The following PCBP3 variants were observed in gnomAD, a reference collection of about 807,000 sequenced individuals.
The protein encoded by PCBP3 is poly(rC)-binding protein 3.
PCBP3 carries 25 observed loss-of-function variants against 52.7 expected under a neutral mutation model. The observed-to-expected ratio is 0.47, with a 90% CI of 0.35 to 0.66. The LOEUF is 0.66. Ranked by LOEUF, PCBP3 falls within the 30% of genes least tolerant of loss-of-function variation. The pLI, the probability that PCBP3 is intolerant of heterozygous loss-of-function variation, is 0.01. For synonymous variants in PCBP3, 162 were observed against 183.0 expected (o/e 0.89, Z 0.93); for missense variants, 391 against 490.3 (o/e 0.80, Z 1.91).
At chr21:45,755,495 A>T (rs2087945133) in intron 4 of PCBP3, among the ~76,000 whole-genome samples, 43 bp downstream of exon 4, 1 of 152,212 alleles carries the variant, frequency 6.6e-6, no homozygotes, top group African/African-American at 2.4e-5. Context: ...CAAGGAACGC[A>T]TTGTCCCAAG....
At chr21:45,769,386 A>G (rs1475785207) in intron 4 of PCBP3, among the ~76,000 whole-genome samples, 3 of 152,180 alleles carry the variant, frequency 2.0e-5, no homozygotes, top group African/African-American at 7.2e-5. Flanking sequence ...TCACCATTAG[A>G]AGACGCGGGT....
intron 13 of PCBP3, among the ~76,000 whole-genome samples, chr21:45,927,893 C>T (rs2075687950): frequency 6.6e-6 from 1 of 152,192 alleles, no homozygotes; most frequent in Non-Finnish European, 1.5e-5. Context: ...GCGCCCCTCC[C>T]CGTGCCCCAT....
At chr21:45,825,240 G>C (rs971529813) in intron 4 of PCBP3, among the ~76,000 whole-genome samples, 1 of 152,230 alleles carries the variant, frequency 6.6e-6, no homozygotes, top group Non-Finnish European at 1.5e-5. Flanking sequence ...AGCAAGGCTA[G>C]GTCACCACAG....
chr21:45,890,999 G>A (rs929518312), intron 5 of PCBP3, among the ~76,000 whole-genome samples: 6 of 150,630 alleles, frequency 4.0e-5, no homozygotes, highest in African/African-American at 7.3e-5. Context: ...GGAGATAATA[G>A]AACCTGGAAC....
intron 2 of PCBP3, among the ~76,000 whole-genome samples, chr21:45,726,231 C>T (rs4819145): frequency 0.68 from 103,691 of 151,500 alleles, 36,848 homozygotes; most frequent in African/African-American, 0.88. Flanking sequence ...CTTCAGGTAA[C>T]AGATGTCCAA....
At chr21:45,810,249 A>T (rs891107164) in intron 4 of PCBP3, among the ~76,000 whole-genome samples, 56 of 70,864 alleles carry the variant, frequency 7.9e-4, no homozygotes, top group African/African-American at 2.0e-3. Flanking sequence ...TGTGTGTGAG[A>T]GAGTGTGTGT....
intron 1 of PCBP3, among the ~76,000 whole-genome samples, chr21:45,644,735 T>C (rs1244764220): frequency 1.3e-5 from 2 of 152,152 alleles, no homozygotes; most frequent in African/African-American, 4.8e-5. Context: ...TAGAGTGGGA[T>C]TCGCCAGAAG....
At chr21:45,815,262 G>A (rs1603442002) in intron 4 of PCBP3, among the ~76,000 whole-genome samples, 1 of 75,502 alleles carries the variant, frequency 1.3e-5, no homozygotes, top group Non-Finnish European at 2.7e-5. Context: ...TGAGTGAGTG[G>A]TGAGTGAGTG....
rs756675954 is a variant in PCBP3, at chr21:45,928,281, G to A, written c.718-1636G>A. Reference sequence around the variant, plus strand: ...CCACACACATCCCCTCAGATAACCCGGCACACCCGTTCACGTTACATCATG... The same window carrying A: ...CCACACACATCCCCTCAGATAACCCAGCACACCCGTTCACGTTACATCATG... On this transcript the variant is annotated intron_variant, in intron 13 of 17. Coordinates refer to ENST00000681687, the MANE Select transcript of PCBP3 (RefSeq NM_001384156.1). The surrounding 1 kb of genome is among the most constrained non-coding windows in gnomAD (Gnocchi z 4.1). 7.9e-5 allele frequency among the ~76,000 whole-genome samples: 12 copies of A among 152,170 alleles called. No homozygotes were observed. Among genetic ancestry groups the A allele is most frequent in the African/African-American group, 1.7e-4 (7 of 41,446 alleles).
intron 2 of PCBP3, among the ~76,000 whole-genome samples, chr21:45,707,219 T>G (rs2083506770): frequency 6.6e-6 from 1 of 152,190 alleles, no homozygotes; most frequent in Admixed American, 6.5e-5. Context: ...CCTGGGTTTT[T>G]AAAATGCAGA....
chr21:45,758,833 C>G (rs2088330498), intron 4 of PCBP3, among the ~76,000 whole-genome samples: 1 of 151,984 alleles, frequency 6.6e-6, no homozygotes, highest in Non-Finnish European at 1.5e-5. Flanking sequence ...TTGGGGGAAG[C>G]ATCTGGTTTC....
chr21:45,815,641 AGTGAGTG>A (rs1215460356), intron 4 of PCBP3, among the ~76,000 whole-genome samples: 1 of 24,814 alleles, frequency 4.0e-5, no homozygotes, highest in Non-Finnish European at 7.1e-5. Flanking sequence ...GTGAGTGGTG[AGTGAGTG>A]GTGAGTGGTG....
At chr21:45,918,556 C>T (rs969570010) in intron 13 of PCBP3, 1 of 88,132 alleles carries the variant, frequency 1.1e-5, no homozygotes, top group African/African-American at 5.3e-5. Context: ...GAAGAAGTTA[C>T]CCTCAGATAA....
chr21:45,691,285 A>G (rs2082446603), intron 2 of PCBP3, among the ~76,000 whole-genome samples: 1 of 151,334 alleles, frequency 6.6e-6, no homozygotes, highest in African/African-American at 2.4e-5. Flanking sequence ...AAGAATATCA[A>G]TAATTGCCCA....
chr21:45,858,484 AG>A (rs2094391254), intron 5 of PCBP3: 1 of 152,242 alleles, frequency 6.6e-6, no homozygotes, highest in Non-Finnish European at 1.5e-5. Context: ...ACACTGCCTT[AG>A]GGTACAGACT....
intron 2 of PCBP3, among the ~76,000 whole-genome samples, chr21:45,721,925 G>A (rs2084675531): frequency 6.6e-6 from 1 of 152,196 alleles, no homozygotes. Context: ...AGGGAAGCAA[G>A]CTTCTGGGGG....
At chr21:45,711,733 G>A (rs2083854913) in intron 2 of PCBP3, among the ~76,000 whole-genome samples, 1 of 152,178 alleles carries the variant, frequency 6.6e-6, no homozygotes, top group Non-Finnish European at 1.5e-5. Context: ...CAGTTAGATT[G>A]TTTTGTCACT....
At chr21:45,890,412 C>A (rs2095623899) in intron 5 of PCBP3, among the ~76,000 whole-genome samples, 1 of 152,052 alleles carries the variant, frequency 6.6e-6, no homozygotes, top group Non-Finnish European at 1.5e-5. Flanking sequence ...GATAATAGAA[C>A]CTGGAACTCT....
intron 2 of PCBP3, among the ~76,000 whole-genome samples, chr21:45,702,807 A>T (rs2147999000): frequency 6.6e-6 from 1 of 152,346 alleles, no homozygotes; most frequent in East Asian, 1.9e-4. Flanking sequence ...GTAGCATGTG[A>T]TGCTGTTTGA....
Sources: allele counts gnomAD v4.1 joint callset (sites outside exome capture counted in the v4.1 genomes callset), GRCh38; gene constraint gnomAD v4.1.1; non-coding constraint Gnocchi (gnomAD v3.1); transcripts MANE v1.5; gene names NCBI Gene and HGNC (gene_info 2026-07-23, HGNC 2026-07-21).